Variants in AGXT2 observed in about 807,000 individuals in gnomAD.
AGXT2 encodes the protein alanine--glyoxylate aminotransferase 2.
Under a neutral mutation model 62.5 loss-of-function variants are expected in AGXT2, and 61 were observed. The observed-to-expected ratio is 0.98, with a 90% CI of 0.79 to 1.21. The LOEUF (loss-of-function observed/expected upper bound fraction) is 1.21, where lower values mean the gene tolerates loss of function less well. Ranked by LOEUF, AGXT2 falls within the 50% of genes most tolerant of loss-of-function variation. The pLI is 0.00. For synonymous variants in AGXT2, 243 were observed against 218.7 expected (o/e 1.11, Z -0.98); for missense variants, 666 against 641.5 (o/e 1.04, Z -0.41).
intron 3 of AGXT2, among the ~76,000 whole-genome samples, chr5:35,037,701 G>A (rs1403417052): frequency 2.0e-5 from 3 of 152,196 alleles, no homozygotes; most frequent in Non-Finnish European, 2.9e-5. Context: ...ATAGGTGCAT[G>A]CTACCACGTC....
At chr5:35,041,250 A>G (rs1767981169) in intron 1 of AGXT2, among the ~76,000 whole-genome samples, 1 of 143,952 alleles carries the variant, frequency 6.9e-6, no homozygotes, top group Non-Finnish European at 1.5e-5. Context: ...AAAGGCTGCC[A>G]ACATAAGACT....
At chr5:35,035,444 T>TA in intron 4 of AGXT2, 128 bp from the exon 5 acceptor site, 1 of 758,680 alleles carries the variant, frequency 1.3e-6, no homozygotes, top group Non-Finnish European at 2.3e-6. Context: ...CAGCTCGGGT[T>TA]ACCCAGCAGT....
chr5:34,998,890 T>G (rs1006926529), intron 13 of AGXT2, 64 bp from the exon 14 acceptor site: 25 of 1,230,424 alleles, frequency 2.0e-5, no homozygotes, highest in Non-Finnish European at 2.8e-5. Context: ...TTTGAGGAAA[T>G]GCACTAAACT....
intron 13 of AGXT2, among the ~76,000 whole-genome samples, chr5:34,999,034 C>T (rs1416783490): frequency 6.6e-6 from 1 of 152,148 alleles, no homozygotes; most frequent in Non-Finnish European, 1.5e-5. Context: ...TGGCTCTGCC[C>T]CTTTTCCTTT....
intron 1 of AGXT2, 134 bp from the exon 2 acceptor site, chr5:35,040,797 T>C: frequency 1.3e-6 from 1 of 754,662 alleles, no homozygotes; most frequent in Non-Finnish European, 2.3e-6. Context: ...AATCAGCTTT[T>C]AGTTTGGATT....
At chr5:35,039,890 T>C (rs1371564697) in intron 2 of AGXT2, among the ~76,000 whole-genome samples, 2 of 152,206 alleles carry the variant, frequency 1.3e-5, no homozygotes, top group Non-Finnish European at 2.9e-5. Context: ...AAAATTAAAA[T>C]ACAATGAAGT....
chr5:35,028,952 T>A (rs1767467026), intron 7 of AGXT2, among the ~76,000 whole-genome samples: 1 of 152,160 alleles, frequency 6.6e-6, no homozygotes. Flanking sequence ...AAACCGAATT[T>A]TATACCTCAG....
intron 9 of AGXT2, among the ~76,000 whole-genome samples, chr5:35,022,747 T>TAAA (rs58539576): frequency 5.0e-5 from 7 of 138,652 alleles, no homozygotes; most frequent in African/African-American, 1.6e-4. Context: ...AAGAGAGAAG[T>TAAA]AAAAAAAAAA....
At chr5:35,001,512 C>T (rs1766224516) in intron 13 of AGXT2, among the ~76,000 whole-genome samples, 1 of 152,164 alleles carries the variant, frequency 6.6e-6, no homozygotes, top group South Asian at 2.1e-4. Context: ...ATTACTTAAC[C>T]TCTCTGTGTG....
At chr5:35,019,504 T>G (rs1188847523) in intron 9 of AGXT2, among the ~76,000 whole-genome samples, 4 of 151,880 alleles carry the variant, frequency 2.6e-5, no homozygotes, top group South Asian at 2.1e-4. Flanking sequence ...AAGGCAGAAA[T>G]AAAGATGTTC....
intron 1 of AGXT2, among the ~76,000 whole-genome samples, chr5:35,041,802 A>G (rs1768002155): frequency 6.6e-6 from 1 of 152,194 alleles, no homozygotes; most frequent in African/African-American, 2.4e-5. Context: ...GATGGAAAGT[A>G]ACAGTTCTGA....
chr5:35,044,373 C>T lies in AGXT2; in HGVS notation c.88+3432G>A, dbSNP rs149400664. On this transcript the variant is annotated intron_variant, in intron 1 of 13. Coordinates refer to ENST00000231420, the MANE Select transcript of AGXT2 (RefSeq NM_031900.4). Reference sequence around the variant, plus strand: ...ACACATGGGGCCGCAGTCTGCAGCACGCTGCTGAGGACCCTCACCATTGCT... The same window carrying T: ...ACACATGGGGCCGCAGTCTGCAGCATGCTGCTGAGGACCCTCACCATTGCT... 7.3e-3 allele frequency among the ~76,000 whole-genome samples: 1,106 copies of T among 152,310 alleles called. 10 individuals carry two copies. The highest frequency in any genetic ancestry group is 0.03 in the South Asian group (147 of 4,828).
intron 7 of AGXT2, chr5:35,026,918 C>A: frequency 1.0e-6 from 1 of 985,040 alleles, no homozygotes; most frequent in Non-Finnish European, 1.2e-6. Context: ...ATTTACCTTT[C>A]ATTGCCATTT....
At chr5:35,031,743 C>A (rs1417088433) in intron 7 of AGXT2, among the ~76,000 whole-genome samples, 1 of 152,094 alleles carries the variant, frequency 6.6e-6, no homozygotes, top group Non-Finnish European at 1.5e-5. Context: ...GGAAGGGCAG[C>A]CTTGTGTTTT....
chr5:35,012,546 A>C lies in AGXT2; in HGVS notation c.1188+408T>G. On this transcript the variant is annotated intron_variant, in intron 11 of 13. Transcript: ENST00000231420. ...GAATTACCTTGCTGTAAGCACGTAG[A>C]ACTCAGTGTCTCCTTAGTCATTCAA... 3 of 255,518 alleles carry C rather than the reference A, an allele frequency of 1.2e-5. No individual in the cohort carries two copies. The South Asian group carries it at 1.5e-4, about 13-fold the overall frequency. The allele number at this position is 255,518 out of a possible 1,614,324, so 15.8% of individuals were successfully genotyped here.
rs1222001592 is a variant in AGXT2 at position 35,014,021 on chromosome 5, A to G, written c.1062T>C (p.Asn354=). 2 of 1,614,012 alleles carry G rather than the reference A, an allele frequency of 1.2e-6. No homozygotes were observed. The highest frequency in any genetic ancestry group is 1.7e-5 in the Admixed American group (1 of 60,000). ...TTATGACTGCTGCCATGGGAAAGCC[A>G]TTCCCAATCCCTTTAGCCATGGTGA... ...DIVTMAKGIG[N]GFPMAAVITT... The change falls in exon 10 of 14, where the codon AAT becomes AAC. Residue 354 remains asparagine (N), a synonymous_variant. Transcript: ENST00000231420.
At chr5:35,035,397 T>A in intron 4 of AGXT2, 81 bp from the exon 5 acceptor site, 2 of 1,172,786 alleles carry the variant, frequency 1.7e-6, no homozygotes, top group Non-Finnish European at 2.5e-6. Context: ...AGGGCAGGTG[T>A]CCAGCCCCTG....
At chr5:35,043,557 G>C (rs147775281) in intron 1 of AGXT2, among the ~76,000 whole-genome samples, 1 of 151,954 alleles carries the variant, frequency 6.6e-6, no homozygotes, top group Non-Finnish European at 1.5e-5. Flanking sequence ...TTTTGAGACA[G>C]GATCTCCTTC....
At chr5:35,022,082 T>C (rs1222997172) in intron 9 of AGXT2, among the ~76,000 whole-genome samples, 8 of 152,172 alleles carry the variant, frequency 5.3e-5, no homozygotes, top group South Asian at 2.1e-4. Context: ...CAACAGGTGC[T>C]GGAGAGGATG....
Sources: allele counts gnomAD v4.1 joint callset (sites outside exome capture counted in the v4.1 genomes callset), GRCh38; gene constraint gnomAD v4.1.1; transcripts MANE v1.5; gene names NCBI Gene and HGNC (gene_info 2026-07-23, HGNC 2026-07-21).